Variants in TNKS observed in about 807,000 individuals in gnomAD.
The protein encoded by TNKS is poly [ADP-ribose] polymerase tankyrase-1.
A neutral mutation model predicts 135.8 loss-of-function variants in TNKS; 72 were observed. That is an observed-to-expected ratio of 0.53 (90% CI 0.44 to 0.64). The LOEUF (loss-of-function observed/expected upper bound fraction) is 0.64, where lower values mean the gene tolerates loss of function less well. TNKS is among the 30% of genes least tolerant of loss of function. The pLI, the probability that TNKS is intolerant of heterozygous loss-of-function variation, is 0.00. For missense variants in TNKS, 1,769 were observed against 1,674.0 expected, an observed-to-expected ratio of 1.06 and a Z score of -0.99; for synonymous variants, 849 against 649.3, an observed-to-expected ratio of 1.31 and a Z score of -4.68.
chr8:9,589,756 C>T (rs867847835), intron 2 of TNKS, among the ~76,000 whole-genome samples: 2 of 152,234 alleles, frequency 1.3e-5, no homozygotes, highest in Non-Finnish European at 2.9e-5. Context: ...TAAAAATGAG[C>T]TTGATTTTGA....
chr8:9,654,416 C>A (rs1165379744), intron 3 of TNKS, among the ~76,000 whole-genome samples: 1 of 152,044 alleles, frequency 6.6e-6, no homozygotes, highest in Non-Finnish European at 1.5e-5. Context: ...AATTTTAATA[C>A]CTTTGCAACT....
At chr8:9,775,118 T>A (rs1021844120) in intron 26 of TNKS, among the ~76,000 whole-genome samples, 2 of 152,154 alleles carry the variant, frequency 1.3e-5, no homozygotes, top group Admixed American at 6.5e-5. Context: ...GTTGATTAAT[T>A]AGTATTTTCA....
rs776805978 is a variant in TNKS at position 9,556,260 on chromosome 8, G to T, written c.321G>T (p.Ala107=). 6.2e-7 allele frequency: 1 copy of T among 1,614,256 alleles called. No homozygotes were observed. The highest frequency in any genetic ancestry group is 8.5e-7 in the Non-Finnish European group (1 of 1,180,042). ...TCGCCGCCGCTCCCGTGGTCCCAGC[G>T]GTTTCTACTTCATCTGCCGCTGGGG... The part of the protein sequence containing the change: ...CTVAAAPVVP[A]VSTSSAAGVA... Residue 107 remains alanine (A), a synonymous_variant, in exon 1 of 27, where the codon GCG becomes GCT. Coordinates refer to ENST00000310430, the MANE Select transcript of TNKS (RefSeq NM_003747.3).
At chr8:9,585,602 T>TA (rs1798346532) in intron 2 of TNKS, among the ~76,000 whole-genome samples, 1 of 152,204 alleles carries the variant, frequency 6.6e-6, no homozygotes, top group Admixed American at 6.5e-5. Context: ...AATAACCTTC[T>TA]AAAGCCTGCT....
chr8:9,707,958 T>G (rs1804129728), intron 8 of TNKS, among the ~76,000 whole-genome samples: 1 of 152,192 alleles, frequency 6.6e-6, no homozygotes, highest in Non-Finnish European at 1.5e-5. Flanking sequence ...AGCCTGTCCT[T>G]TCTTTTTTGA....
chr8:9,665,425 T>C (rs1225526351), intron 3 of TNKS, among the ~76,000 whole-genome samples: 2 of 152,254 alleles, frequency 1.3e-5, no homozygotes, highest in Non-Finnish European at 2.9e-5. Flanking sequence ...ATTTACTTTT[T>C]CTGTTTTTTA....
chr8:9,763,584 C>G (rs1462245817), intron 22 of TNKS, among the ~76,000 whole-genome samples: 1 of 152,198 alleles, frequency 6.6e-6, no homozygotes, highest in Non-Finnish European at 1.5e-5. Context: ...ACTCTTGCCT[C>G]ATAGAGAGCA....
rs373431532 is a variant in TNKS at position 9,733,387 on chromosome 8, C to T, written c.2256C>T (p.Thr752=). 3.8e-5 allele frequency: 61 copies of T among 1,613,150 alleles called. 1 individual carries two copies. In the South Asian group the frequency reaches 6.5e-4, roughly 17 times the overall value. Residue 752 remains threonine (T), a synonymous_variant, in exon 15 of 27, where the codon ACC becomes ACT. Transcript: ENST00000310430. ...ATGTGGCGGACTTATGGAAATTTAC[C>T]CCTCTCCATGAAGCAGCAGCTAAAG... The part of the protein sequence containing the change: ...SVNVADLWKF[T]PLHEAAAKGK...
chr8:9,597,587 G>A (rs73537913), intron 2 of TNKS, among the ~76,000 whole-genome samples: 4,626 of 152,236 alleles, frequency 0.03, 219 homozygotes, highest in African/African-American at 0.1. Flanking sequence ...ATGGAGAATC[G>A]TTAATGTAAC....
At chr8:9,567,463 T>C (rs1417519125) in intron 1 of TNKS, among the ~76,000 whole-genome samples, 2 of 152,264 alleles carry the variant, frequency 1.3e-5, no homozygotes, top group South Asian at 2.1e-4. Flanking sequence ...TCGCCCAGGC[T>C]GGAGCGCAGT....
At chr8:9,574,965 A>T (rs1797889886) in intron 1 of TNKS, 1 of 846,508 alleles carries the variant, frequency 1.2e-6, no homozygotes, top group African/African-American at 1.9e-5. Flanking sequence ...GTAAGAAGCA[A>T]GTGGAGATGC....
At chr8:9,696,580 C>A (rs1803524680) in intron 5 of TNKS, among the ~76,000 whole-genome samples, 1 of 152,122 alleles carries the variant, frequency 6.6e-6, no homozygotes, top group Non-Finnish European at 1.5e-5. Flanking sequence ...GCTGCTAGAA[C>A]TGATAAACGA....
chr8:9,605,495 T>G (rs184786100), intron 2 of TNKS, among the ~76,000 whole-genome samples: 113 of 152,218 alleles, frequency 7.4e-4, no homozygotes, highest in East Asian at 5.4e-3. Flanking sequence ...TCCTTTTGAG[T>G]AAATACTTAA....
At position 9,641,201 on chromosome 8, in the gene TNKS, C is replaced by T. The variant is rs1453647611; in HGVS notation, c.994+25524C>T. Among the ~76,000 whole-genome samples, 4 of 145,132 alleles carry T rather than the reference C, an allele frequency of 2.8e-5. 1 individual carries two copies. Among genetic ancestry groups the T allele is most frequent in the Non-Finnish European group, 4.5e-5 (3 of 66,484 alleles). On this transcript the variant is annotated intron_variant, in intron 3 of 26. Transcript: ENST00000310430. The stretch of plus-strand genomic sequence containing the variant: ...ATTAACAGTTTCCTTAAAGATATTT[C>T]TTAAGGTGCAAATTTCATCCCCAGC...
intron 5 of TNKS, among the ~76,000 whole-genome samples, chr8:9,685,709 T>G (rs962185943): frequency 1.3e-5 from 2 of 152,176 alleles, no homozygotes; most frequent in African/African-American, 4.8e-5. Flanking sequence ...ATAAATAAAT[T>G]TGTCTAAATT....
chr8:9,729,771 CTTTTTT>C (rs763357075), intron 13 of TNKS, among the ~76,000 whole-genome samples: 1 of 95,016 alleles, frequency 1.1e-5, no homozygotes, highest in Non-Finnish European at 1.9e-5. Context: ...ATATGATATT[CTTTTTT>C]TTTTTTTTTT....
chr8:9,656,448 C>T (rs542857834), intron 3 of TNKS, among the ~76,000 whole-genome samples: 20 of 152,042 alleles, frequency 1.3e-4, no homozygotes, highest in African/African-American at 3.6e-4. Flanking sequence ...TCAAATTCAC[C>T]GAAGTTGAAA....
At position 9,764,727 on chromosome 8, in the gene TNKS, T is replaced by C. The variant is rs748622313; in HGVS notation, c.3384T>C (p.Thr1128=). 2.5e-6 allele frequency: 4 copies of C among 1,598,782 alleles called. No homozygotes were observed. Among genetic ancestry groups the C allele is most frequent in the Non-Finnish European group, 3.4e-6 (4 of 1,175,092 alleles). ...ATTTTGTTCTGTAGATGCAAAGTAC[T>C]ATTCGAGAACACAGAGATGGTGGTA... ...YQSVEEEMQS[T]IREHRDGGNA... is the part of the protein sequence containing the mutation. The change falls in exon 23 of 27, where the codon ACT becomes ACC. Residue 1128 remains threonine (T), a synonymous_variant. Coordinates refer to ENST00000310430, the MANE Select transcript of TNKS (RefSeq NM_003747.3).
intron 2 of TNKS, among the ~76,000 whole-genome samples, chr8:9,607,713 T>C (rs1799284585): frequency 6.6e-6 from 1 of 152,228 alleles, no homozygotes; most frequent in Admixed American, 6.5e-5. Context: ...TTTATATCCA[T>C]GTCAGCAGAA....
Sources: allele counts gnomAD v4.1 joint callset (sites outside exome capture counted in the v4.1 genomes callset), GRCh38; gene constraint gnomAD v4.1.1; transcripts MANE v1.5; gene names NCBI Gene and HGNC (gene_info 2026-07-23, HGNC 2026-07-21).